NECAB1: variants seen among roughly 807,000 people sequenced by gnomAD.
NECAB1 encodes N-terminal EF-hand calcium-binding protein 1.
Under a neutral mutation model 57.5 loss-of-function variants are expected in NECAB1, and 29 were observed. The ratio of observed to expected loss-of-function variants is 0.50; its 90% CI spans 0.38 to 0.69. NECAB1 has a LOEUF of 0.69. NECAB1 is among the 30% of genes least tolerant of loss of function. The pLI, the probability that NECAB1 is intolerant of heterozygous loss-of-function variation, is 0.00. For synonymous variants in NECAB1, 142 were observed against 147.7 expected (o/e 0.96, Z 0.28); for missense variants, 372 against 413.8 (o/e 0.90, Z 0.88).
chr8:90,910,107 G>A (rs181315687), intron 5 of NECAB1, among the ~76,000 whole-genome samples: 171 of 151,424 alleles, frequency 1.1e-3, no homozygotes, highest in African/African-American at 3.7e-3. Flanking sequence ...ACTTAATTTC[G>A]GAAATAATAC....
At chr8:90,814,846 G>T (rs189913856) in intron 2 of NECAB1, among the ~76,000 whole-genome samples, 88 of 152,220 alleles carry the variant, frequency 5.8e-4, no homozygotes, top group African/African-American at 1.8e-3. Flanking sequence ...CCAAGGTCTG[G>T]ATAATTGTGC....
chr8:90,867,841 C>T (rs994615773), intron 3 of NECAB1, among the ~76,000 whole-genome samples: 1 of 152,172 alleles, frequency 6.6e-6, no homozygotes, highest in African/African-American at 2.4e-5. Flanking sequence ...CTGGCCTGGA[C>T]TGTAACTTGC....
intron 9 of NECAB1, among the ~76,000 whole-genome samples, chr8:90,939,052 G>C (rs1810607293): frequency 6.6e-6 from 1 of 152,084 alleles, no homozygotes; most frequent in South Asian, 2.1e-4. Context: ...CATACCTCTT[G>C]TTTTTGTTCA....
chr8:90,916,971 T>G (rs1379688980), intron 5 of NECAB1, among the ~76,000 whole-genome samples: 1 of 152,200 alleles, frequency 6.6e-6, no homozygotes, highest in African/African-American at 2.4e-5. Flanking sequence ...ATTTTCTGAA[T>G]TTTAAATAAC....
chr8:90,894,144 C>A (rs1386953665), intron 5 of NECAB1, among the ~76,000 whole-genome samples: 1 of 152,014 alleles, frequency 6.6e-6, no homozygotes, highest in Non-Finnish European at 1.5e-5. Flanking sequence ...ATAAAGTGGA[C>A]AAATAACATA....
Position 90,873,276 on chromosome 8 carries a change from C to T in NECAB1, c.259+1123C>T, listed in dbSNP as rs180825243. ...ATGTTTATGGAGGAGCAAGGTACTC[C>T]GGTACCAAAGCAGGACATGCTTTTG... On this transcript the variant is annotated intron_variant, in intron 4 of 12. Coordinates refer to ENST00000417640, the MANE Select transcript of NECAB1 (RefSeq NM_022351.5). Among the ~76,000 whole-genome samples, 13 of 152,264 alleles carry T rather than the reference C, an allele frequency of 8.5e-5. No homozygotes were observed. In the East Asian group the frequency reaches 1.9e-3, roughly 23 times the overall value.
chr8:90,878,082 G>T (rs1010853000), intron 4 of NECAB1, among the ~76,000 whole-genome samples: 1 of 151,754 alleles, frequency 6.6e-6, no homozygotes, highest in African/African-American at 2.4e-5. Context: ...TGTCACCCAG[G>T]CTGGAGTGCA....
intron 3 of NECAB1, among the ~76,000 whole-genome samples, chr8:90,835,886 C>T (rs920482386): frequency 1.3e-5 from 2 of 152,176 alleles, no homozygotes; most frequent in African/African-American, 4.8e-5. Flanking sequence ...TTGCTGGTGA[C>T]TTTTAGAGTC....
chr8:90,826,575 T>C (rs1812229506), intron 3 of NECAB1, among the ~76,000 whole-genome samples: 1 of 151,944 alleles, frequency 6.6e-6, no homozygotes, highest in Non-Finnish European at 1.5e-5. Context: ...TGCTTTGTTA[T>C]GTATGCTGAT....
At chr8:90,902,332 AT>A (rs1809525326) in intron 5 of NECAB1, among the ~76,000 whole-genome samples, 1 of 152,184 alleles carries the variant, frequency 6.6e-6, no homozygotes, top group Non-Finnish European at 1.5e-5. Context: ...AGGTAGGAGA[AT>A]CGCTTGAACC....
intron 3 of NECAB1, among the ~76,000 whole-genome samples, chr8:90,865,098 G>A (rs1808489218): frequency 6.6e-6 from 1 of 152,064 alleles, no homozygotes; most frequent in South Asian, 2.1e-4. Context: ...GAAGGGCGGA[G>A]CAGAACAAGC....
At position 90,791,812 on chromosome 8, in the gene NECAB1, C is replaced by CTGCGGCCGCGCCCTTGCCAGAGCCGG; in HGVS notation, c.-70_-45dup. ...GAGCCCGGCGGCGGCGAAGCAGCAGCTGCGGCCGCGCCCTTGCCAGAGCCG... is the reference window on the plus strand; with the variant it reads ...GAGCCCGGCGGCGGCGAAGCAGCAGCTGCGGCCGCGCCCTTGCCAGAGCCGGTGCGGCCGCGCCCTTGCCAGAGCCG... On this transcript the variant is annotated 5_prime_UTR_variant, in exon 1 of 13. Coordinates refer to ENST00000417640, the MANE Select transcript of NECAB1 (RefSeq NM_022351.5). 2.4e-6 allele frequency: 3 copies of CTGCGGCCGCGCCCTTGCCAGAGCCGG among 1,247,338 alleles called. No homozygotes were observed. Among genetic ancestry groups the CTGCGGCCGCGCCCTTGCCAGAGCCGG allele is most frequent in the East Asian group, 2.6e-5 (1 of 38,180 alleles). 77.3% of individuals were successfully genotyped at this position (1,247,338 alleles called of 1,614,324 possible). A position where few individuals can be genotyped will look rare whatever the true frequency, so the allele number is the denominator to read the frequency against.
chr8:90,881,215 T>C (rs992111479), intron 5 of NECAB1, 85 bp downstream of exon 5: 2 of 876,828 alleles, frequency 2.3e-6, no homozygotes, highest in South Asian at 1.6e-5. Flanking sequence ...TTTTCAACTA[T>C]AGATTCTTTA....
intron 2 of NECAB1, among the ~76,000 whole-genome samples, chr8:90,814,762 C>A (rs2129682494): frequency 6.6e-6 from 1 of 152,090 alleles, no homozygotes; most frequent in Non-Finnish European, 1.5e-5. Context: ...CTTTTATAAT[C>A]TCTACTCCAG....
intron 3 of NECAB1, among the ~76,000 whole-genome samples, chr8:90,857,847 A>G (rs1812821768): frequency 6.6e-6 from 1 of 152,156 alleles, no homozygotes; most frequent in African/African-American, 2.4e-5. Context: ...AGTTATTTGC[A>G]TTTGTGGATA....
At chr8:90,824,059 C>T (rs1812187599) in intron 2 of NECAB1, among the ~76,000 whole-genome samples, 1 of 151,664 alleles carries the variant, frequency 6.6e-6, no homozygotes, top group African/African-American at 2.4e-5. Context: ...AACTCCCATA[C>T]AGTTAAAATA....
intron 3 of NECAB1, among the ~76,000 whole-genome samples, chr8:90,840,658 GTA>G: frequency 6.6e-6 from 1 of 152,336 alleles, no homozygotes; most frequent in East Asian, 1.9e-4. Context: ...TAAAAGCAGT[GTA>G]GACTGCTAGC....
chr8:90,861,495 C>T (rs760762049), intron 3 of NECAB1, among the ~76,000 whole-genome samples: 33 of 152,108 alleles, frequency 2.2e-4, no homozygotes, highest in Non-Finnish European at 3.5e-4. Context: ...CAACACCGTC[C>T]TCTCCTGATG....
At chr8:90,860,074 C>A (rs998345775) in intron 3 of NECAB1, among the ~76,000 whole-genome samples, 2 of 152,054 alleles carry the variant, frequency 1.3e-5, no homozygotes, top group Non-Finnish European at 2.9e-5. Flanking sequence ...TTGAAAATTT[C>A]ACTACCGGCC....
Sources: gnomAD v4.1 joint callset for allele counts (sites outside exome capture counted in the v4.1 genomes callset) on GRCh38, gnomAD v4.1.1 for gene constraint, MANE v1.5 for transcripts, NCBI Gene and HGNC (gene_info 2026-07-23, HGNC 2026-07-21) for gene names.